The following GCNT2 variants were observed in gnomAD, a reference collection of about 807,000 sequenced individuals.
The protein encoded by GCNT2 is N-acetyllactosaminide beta-1,6-N-acetylglucosaminyl-transferase.
A neutral mutation model predicts 34.2 loss-of-function variants in GCNT2; 34 were observed. The ratio of observed to expected loss-of-function variants is 1.00; its 90% CI spans 0.76 to 1.32. The LOEUF (loss-of-function observed/expected upper bound fraction) is 1.32, where lower values mean the gene tolerates loss of function less well. Ranked by LOEUF, GCNT2 falls within the 40% of genes most tolerant of loss-of-function variation. The probability of loss-of-function intolerance (pLI) is 0.00; values close to 1 mark genes in which losing one functional copy is unlikely to be tolerated. For synonymous variants in GCNT2, 212 were observed against 188.0 expected, an observed-to-expected ratio of 1.13 and a Z score of -1.04; for missense variants, 584 against 489.4, an observed-to-expected ratio of 1.19 and a Z score of -1.82.
At position 10,529,342 on chromosome 6, in the gene GCNT2, T is replaced by C; in HGVS notation, c.431T>C (p.Leu144Pro). The change falls in exon 3 of 5, where the codon CTC (leucine) becomes CCC (proline). Residue 144 changes from leucine (L) to proline (P), a missense_variant. By Grantham distance (98) the Leu-to-Pro change is moderately conservative (BLOSUM62 -3). Transcript: ENST00000495262. The stretch of plus-strand genomic sequence containing the variant: ...TTTAAAGGTGCAGTGAAACAGTTAC[T>C]CAGCTGCTTCCCAAATGCTTTTCTG... ...DAFKGAVKQL[L>P]SCFPNAFLAS... The C allele has an allele frequency of 1.2e-6, 2 of 1,614,004 alleles. No individual in the cohort carries two copies. Among genetic ancestry groups the C allele is most frequent in the Non-Finnish European group, 1.7e-6 (2 of 1,180,000 alleles).
chr6:10,524,399 T>C (rs1048027551), intron 1 of GCNT2, among the ~76,000 whole-genome samples: 49 of 152,042 alleles, frequency 3.2e-4, no homozygotes, highest in African/African-American at 1.1e-3. Flanking sequence ...TTAACAGGCA[T>C]GCGCCACCAC....
chr6:10,617,587 C>T (rs1216455992), intron 3 of GCNT2, among the ~76,000 whole-genome samples: 4 of 152,116 alleles, frequency 2.6e-5, no homozygotes, highest in East Asian at 1.9e-4. Flanking sequence ...ACTTAGAATG[C>T]GTAACCATCT....
chr6:10,527,960 C>T (rs960388955), intron 2 of GCNT2, among the ~76,000 whole-genome samples: 2 of 152,194 alleles, frequency 1.3e-5, no homozygotes, highest in Admixed American at 6.5e-5. Flanking sequence ...GCTCTTCTCT[C>T]CTTCCTCTAA....
At chr6:10,599,158 C>G (rs1764987793) in intron 3 of GCNT2, among the ~76,000 whole-genome samples, 1 of 152,096 alleles carries the variant, frequency 6.6e-6, no homozygotes, top group South Asian at 2.1e-4. Flanking sequence ...CCCATAGTAC[C>G]AGAGCTCATC....
chr6:10,539,343 C>T (rs1194110103), intron 3 of GCNT2, among the ~76,000 whole-genome samples: 1 of 151,880 alleles, frequency 6.6e-6, no homozygotes, highest in Admixed American at 6.6e-5. Context: ...GTATGCACTA[C>T]CACGCCTGGC....
At chr6:10,538,437 A>AAAAATATATATATAT (rs1554127249) in intron 3 of GCNT2, among the ~76,000 whole-genome samples, 2 of 73,342 alleles carry the variant, frequency 2.7e-5, no homozygotes, top group African/African-American at 2.4e-4. Context: ...AAAAAAAAAA[A>AAAAATATATATATAT]ATATATATAT....
chr6:10,546,427 G>C (rs965723006), intron 3 of GCNT2, among the ~76,000 whole-genome samples: 1 of 152,158 alleles, frequency 6.6e-6, no homozygotes. Context: ...GGGAAGCCGA[G>C]GTGGGCGGAT....
At chr6:10,555,435 T>G (rs932375920) in intron 3 of GCNT2, among the ~76,000 whole-genome samples, 8 of 152,154 alleles carry the variant, frequency 5.3e-5, no homozygotes, top group Admixed American at 3.9e-4. Context: ...ATGACACTTC[T>G]GAGCATTTGA....
chr6:10,565,372 C>G (rs776215793), intron 3 of GCNT2, among the ~76,000 whole-genome samples: 30 of 152,134 alleles, frequency 2.0e-4, no homozygotes, highest in Non-Finnish European at 3.7e-4. Flanking sequence ...AGGAGTCAAG[C>G]TGGTGGGATC....
intron 3 of GCNT2, among the ~76,000 whole-genome samples, chr6:10,597,153 C>CTT (rs33945698): frequency 0.035 from 3,966 of 112,544 alleles, 216 homozygotes; most frequent in African/African-American, 0.06. Flanking sequence ...TAGGAATTGC[C>CTT]TTTTTTTTTT....
intron 3 of GCNT2, among the ~76,000 whole-genome samples, chr6:10,582,487 CT>C (rs1561816811): frequency 9.6e-5 from 10 of 103,682 alleles, no homozygotes; most frequent in African/African-American, 5.2e-4. Context: ...ATAATATATA[CT>C]ATAATATATA....
At chr6:10,538,437 A>AAAAAATATAT (rs1554127249) in intron 3 of GCNT2, among the ~76,000 whole-genome samples, 3 of 73,354 alleles carry the variant, frequency 4.1e-5, no homozygotes, top group Admixed American at 1.5e-4. Flanking sequence ...AAAAAAAAAA[A>AAAAAATATAT]ATATATATAT....
At chr6:10,551,799 C>G (rs189645638) in intron 3 of GCNT2, among the ~76,000 whole-genome samples, 1 of 151,324 alleles carries the variant, frequency 6.6e-6, no homozygotes, top group Admixed American at 6.6e-5. Flanking sequence ...CTCTTGTCAC[C>G]CAGGCTGGAG....
chr6:10,530,275 G>A, intron 3 of GCNT2: 3 of 167,588 alleles, frequency 1.8e-5, no homozygotes, highest in Non-Finnish European at 3.9e-5. Flanking sequence ...TGAGGCAGGA[G>A]AATCGCTTGA....
chr6:10,624,889 T>C (rs758804926), intron 4 of GCNT2, among the ~76,000 whole-genome samples: 2 of 152,174 alleles, frequency 1.3e-5, no homozygotes, highest in Non-Finnish European at 2.9e-5. Flanking sequence ...TCCTTTTCTC[T>C]GAAAGCCTGT....
chr6:10,622,253 T>G (rs573918681), intron 4 of GCNT2, among the ~76,000 whole-genome samples: 5 of 152,278 alleles, frequency 3.3e-5, no homozygotes, highest in Admixed American at 3.3e-4. Flanking sequence ...ATACTGGGCA[T>G]GAGTATTAGT....
chr6:10,620,948 C>A (rs1411644577), intron 3 of GCNT2, among the ~76,000 whole-genome samples: 3 of 152,100 alleles, frequency 2.0e-5, no homozygotes, highest in African/African-American at 7.2e-5. Context: ...AAACATCTTA[C>A]AAAACACAGG....
intron 3 of GCNT2, among the ~76,000 whole-genome samples, chr6:10,571,996 G>A (rs1214386821): frequency 6.7e-6 from 1 of 149,302 alleles, no homozygotes; most frequent in Non-Finnish European, 1.5e-5. Flanking sequence ...AGTAGTAATT[G>A]TCTATCTGGG....
Position 10,626,663 on chromosome 6 carries a change from GTT to G in GCNT2, c.*60_*61del. On this transcript the variant is annotated 3_prime_UTR_variant, in exon 5 of 5. Transcript: ENST00000495262. ...AAACTGCAGCTGGGAAGAGGAGCCT[GTT>G]TTTGTGAGAGACTTTTGCCTTCGTA... 1 of 1,324,606 alleles carries G rather than the reference GTT, an allele frequency of 7.5e-7. No individual in the cohort carries two copies. The highest frequency in any genetic ancestry group is 1.1e-6 in the Non-Finnish European group (1 of 918,142). 82.1% of individuals were successfully genotyped at this position (1,324,606 alleles called of 1,614,324 possible).
Sources: allele counts gnomAD v4.1 joint callset (sites outside exome capture counted in the v4.1 genomes callset), GRCh38; gene constraint gnomAD v4.1.1; transcripts MANE v1.5; gene names NCBI Gene and HGNC (gene_info 2026-07-23, HGNC 2026-07-21).